Variants in GNB3 observed in about 807,000 individuals in gnomAD.
GNB3 encodes the protein G protein subunit beta 3, also known as guanine nucleotide-binding protein G(I)/G(S)/G(T) subunit beta-3.
In GNB3, 33 loss-of-function variants were observed where a neutral mutation model predicts 41.2. That is an observed-to-expected ratio of 0.80 (90% CI 0.61 to 1.07). GNB3 has a LOEUF of 1.07. Ranked by LOEUF, GNB3 falls within the 50% of genes least tolerant of loss-of-function variation. GNB3 has a pLI of 0.00. For missense variants in GNB3, 409 were observed against 455.3 expected (o/e 0.90, Z 0.92); for synonymous variants, 172 against 173.4 (o/e 0.99, Z 0.06).
chr12:6,846,745 C>G, intron 9 of GNB3, 47 bp from the exon 10 acceptor site: 1 of 1,134,746 alleles, frequency 8.8e-7, no homozygotes, highest in Non-Finnish European at 1.3e-6. Context: ...ACACTGCTTT[C>G]CAAATCAGCT....
At position 6,843,020 on chromosome 12, in the gene GNB3, G is replaced by A. The variant is rs376832139; in HGVS notation, c.147G>A (p.Arg49=). 45 of 1,570,568 alleles carry A rather than the reference G, an allele frequency of 2.9e-5. No homozygotes were observed. In the African/African-American group the frequency reaches 5.5e-4, roughly 19 times the overall value. ...VVGRVQMRTR[R]TLRGHLAKIY... Reference sequence around the variant, plus strand: ...GACGAGTCCAGATGCGGACGCGGCGGACGTTAAGGGGACACCTGGCCAAGA... The same window carrying A: ...GACGAGTCCAGATGCGGACGCGGCGAACGTTAAGGGGACACCTGGCCAAGA... The change falls in exon 4 of 10, where the codon CGG becomes CGA. Residue 49 remains arginine (R), a synonymous_variant. Transcript: ENST00000229264. The surrounding 1 kb of genome is among the most constrained non-coding windows in gnomAD (Gnocchi z 5.9).
In GNB3 at chr12:6,841,591, C is replaced by T; in HGVS notation, c.63C>T (p.Ala21=). The change falls in exon 3 of 10, where the codon GCC becomes GCT. Residue 21 remains alanine (A), a synonymous_variant. Coordinates refer to ENST00000229264, the MANE Select transcript of GNB3 (RefSeq NM_002075.4). ...AEQLKKQIAD[A]RKACADVTLA... ...GATGTCTGCTTTCCCTGCAGGATGC[C>T]AGGAAAGCCTGTGCTGACGTTACTC... 6.2e-7 allele frequency: 1 copy of T among 1,613,416 alleles called. No individual in the cohort carries two copies. The highest frequency in any genetic ancestry group is 1.3e-5 in the African/African-American group (1 of 75,016).
chr12:6,841,548 C>G, intron 2 of GNB3, 38 bp from the exon 3 acceptor site: 1 of 1,589,502 alleles, frequency 6.3e-7, no homozygotes, highest in South Asian at 1.1e-5. Context: ...GCCACCCCCA[C>G]CTCGCCCTTG....
chr12:6,844,093 A>ATTTT (rs34871066), intron 8 of GNB3, 115 bp downstream of exon 8: 15 of 258,138 alleles, frequency 5.8e-5, no homozygotes, highest in South Asian at 1.2e-4. Context: ...TTCTTACTGT[A>ATTTT]TTTTTTTTTT....
rs1382910777 is a variant in GNB3 at position 6,843,023 on chromosome 12, G to T, written c.150G>T (p.Thr50=). The part of the protein sequence containing the change: ...VGRVQMRTRR[T]LRGHLAKIYA... ...GAGTCCAGATGCGGACGCGGCGGAC[G>T]TTAAGGGGACACCTGGCCAAGATTT... Residue 50 remains threonine, a synonymous_variant, in exon 4 of 10, where the codon ACG becomes ACT. Transcript: ENST00000229264. This position sits in a 1 kb window ranked among gnomAD's most constrained non-coding sequence, Gnocchi z 5.9. 6.3e-7 allele frequency: 1 copy of T among 1,575,684 alleles called. No homozygotes were observed. Among genetic ancestry groups the T allele is most frequent in the East Asian group, 2.3e-5 (1 of 44,350 alleles).
Position 6,843,287 on chromosome 12 carries a change from C to T in GNB3, c.267+50C>T, listed in dbSNP as rs1555123797. ...TCCACCACTGCATCCTTCCTAAGGG[C>T]GCCATGCCTACCCTCCTGTGCCCAG... On this transcript the variant is annotated intron_variant, in intron 5 of 9. Coordinates refer to ENST00000229264, the MANE Select transcript of GNB3 (RefSeq NM_002075.4). This position sits in a 1 kb window ranked among gnomAD's most constrained non-coding sequence, Gnocchi z 5.9. 6.2e-6 allele frequency: 10 copies of T among 1,606,618 alleles called. No homozygotes were observed. Among genetic ancestry groups the T allele is most frequent in the South Asian group, 3.3e-5 (3 of 90,950 alleles).
Position 6,845,594 on chromosome 12 carries a change from C to G in GNB3, c.708C>G (p.Pro236=). ...ESDINAICFF[P]NGEAICTGSD... ...GCCACCCGTGCCCTCAGTTCTTCCC[C>G]AATGGAGAGGCCATCTGCACGGGCT... Residue 236 remains proline, a synonymous_variant, in exon 9 of 10, where the codon CCC becomes CCG. Transcript: ENST00000229264. 1 of 1,609,824 alleles carries G rather than the reference C, an allele frequency of 6.2e-7. No individual in the cohort carries two copies. The highest frequency in any genetic ancestry group is 8.5e-7 in the Non-Finnish European group (1 of 1,178,710).
chr12:6,843,189 C>T lies in GNB3; in HGVS notation c.219C>T (p.Ala73=), dbSNP rs782535348. 16 of 1,613,958 alleles carry T rather than the reference C, an allele frequency of 9.9e-6. No individual in the cohort carries two copies. The highest frequency in any genetic ancestry group is 1.3e-5 in the Non-Finnish European group (15 of 1,179,914). ...WATDSKLLVS[A]SQDGKLIVWD... is the part of the protein sequence containing the mutation. ...CTCTCCCCAGGCTGCTGGTAAGTGC[C>T]TCGCAAGATGGGAAGCTGATCGTGT... Residue 73 remains alanine, a synonymous_variant, in exon 5 of 10, where the codon GCC becomes GCT. Transcript: ENST00000229264. The surrounding 1 kb of genome is among the most constrained non-coding windows in gnomAD (Gnocchi z 5.9).
Position 6,843,977 on chromosome 12 carries a change from G to T in GNB3, c.698G>T (p.Cys233Phe). Residue 233 changes from cysteine (C) to phenylalanine (F), a missense_variant and splice_region_variant, in exon 8 of 10, where the codon TGT becomes TTT. Coordinates refer to ENST00000229264, the MANE Select transcript of GNB3 (RefSeq NM_002075.4). The surrounding 1 kb of genome is among the most constrained non-coding windows in gnomAD (Gnocchi z 5.9). Reference protein sequence around the residue: ...TGHESDINAICFFPNGEAICT... With the variant: ...TGHESDINAIFFFPNGEAICT... ...CACGAGTCGGACATCAACGCCATCT[G>T]TGTGAGTGCACCCCCCACCCCAGCT... 1 of 1,604,892 alleles carries T rather than the reference G, an allele frequency of 6.2e-7. No homozygotes were observed. Among genetic ancestry groups the T allele is most frequent in the Admixed American group, 1.7e-5 (1 of 59,660 alleles).
chr12:6,841,147 G>A (rs1943566028), intron 1 of GNB3, 111 bp from the exon 2 acceptor site: 2 of 697,544 alleles, frequency 2.9e-6, no homozygotes, highest in Admixed American at 4.8e-5. Context: ...GCTGGGGAGA[G>A]GGTGCAGCCA....
intron 8 of GNB3, 60 bp downstream of exon 8, chr12:6,844,038 C>A: frequency 9.0e-7 from 1 of 1,109,096 alleles, no homozygotes; most frequent in Non-Finnish European, 1.3e-6. Flanking sequence ...CCCCACAACA[C>A]ATACAATACA....
intron 3 of GNB3, 95 bp downstream of exon 3, chr12:6,841,719 C>A: frequency 1.1e-6 from 1 of 886,968 alleles, no homozygotes. Flanking sequence ...ATTAGTACAG[C>A]ACGTCCTTGG....
At chr12:6,841,684 C>T in intron 3 of GNB3, 60 bp downstream of exon 3, 1 of 1,237,560 alleles carries the variant, frequency 8.1e-7, no homozygotes. Context: ...AGCTCCCCGA[C>T]CCGCAATAGC....
In GNB3 at chr12:6,843,539, C is replaced by A; in HGVS notation, c.430+14C>A. The A allele has an allele frequency of 6.2e-7, 1 of 1,613,228 alleles. No individual in the cohort carries two copies. The highest frequency in any genetic ancestry group is 1.1e-5 in the South Asian group (1 of 91,050). ...CTGCTCACACAGGTGAGGGAGAGAC[C>A]CTCTCCTCCCCTCCTGAGGGGTTCA... On this transcript the variant is annotated intron_variant, in intron 6 of 9. Transcript: ENST00000229264. The surrounding 1 kb of genome is among the most constrained non-coding windows in gnomAD (Gnocchi z 5.9).
chr12:6,845,862 C>T (rs1943685941), intron 9 of GNB3, 60 bp downstream of exon 9: 3 of 1,194,066 alleles, frequency 2.5e-6, no homozygotes, highest in Non-Finnish European at 3.7e-6. Context: ...AGCCCTCCCT[C>T]CCCATTCTGT....
chr12:6,843,830 C>T lies in GNB3; in HGVS notation c.551C>T (p.Thr184Met), dbSNP rs371387315. The T allele has an allele frequency of 6.6e-5, 107 of 1,613,876 alleles. No individual in the cohort carries two copies. Among genetic ancestry groups the T allele is most frequent in the Non-Finnish European group, 8.1e-5 (96 of 1,179,898 alleles). ...CAGAAGACTGTATTTGTGGGACACA[C>T]GGGTGACTGCATGAGCCTGGCTGTG... Reference protein sequence around the residue: ...GQQKTVFVGHTGDCMSLAVSP... With the variant: ...GQQKTVFVGHMGDCMSLAVSP... The change falls in exon 8 of 10, where the codon ACG (threonine) becomes ATG (methionine). Residue 184 changes from threonine to methionine, a missense_variant. Coordinates refer to ENST00000229264, the MANE Select transcript of GNB3 (RefSeq NM_002075.4). The surrounding 1 kb of genome is among the most constrained non-coding windows in gnomAD (Gnocchi z 5.9).
At chr12:6,842,139 G>T (rs781793119) in intron 3 of GNB3, among the ~76,000 whole-genome samples, 1 of 152,192 alleles carries the variant, frequency 6.6e-6, no homozygotes, top group South Asian at 2.1e-4. Flanking sequence ...GGGCTAAGCT[G>T]CATAAATACC....
In GNB3 at chr12:6,843,225, C is replaced by G. The variant is rs28395774; in HGVS notation, c.255C>G (p.Tyr85Ter). 6 of 1,613,774 alleles carry G rather than the reference C, an allele frequency of 3.7e-6. No individual in the cohort carries two copies. In the Admixed American group the frequency reaches 1.0e-4, roughly 27 times the overall value. Residue 85 changes from tyrosine to a stop codon, truncating the protein, a stop_gained, in exon 5 of 10, where the codon TAC becomes TAG. Transcript: ENST00000229264. LOFTEE classifies it high-confidence loss of function. The surrounding 1 kb of genome is among the most constrained non-coding windows in gnomAD (Gnocchi z 5.9). Reference protein sequence around the residue: ...QDGKLIVWDSYTTNKVHAIPL... With the variant: ...QDGKLIVWDS Reference sequence around the variant, plus strand: ...GGAAGCTGATCGTGTGGGACAGCTACACCACCAACAAGGTACCAGCCCTGC... The same window carrying G: ...GGAAGCTGATCGTGTGGGACAGCTAGACCACCAACAAGGTACCAGCCCTGC...
At chr12:6,842,650 C>T (rs59657727) in intron 3 of GNB3, among the ~76,000 whole-genome samples, 15,134 of 152,252 alleles carry the variant, frequency 0.099, 2,058 homozygotes, top group African/African-American at 0.3. Flanking sequence ...CTTCCCAAAT[C>T]TGTTTCCAAT....
Sources: gnomAD v4.1 joint callset for allele counts (sites outside exome capture counted in the v4.1 genomes callset) on GRCh38, gnomAD v4.1.1 for gene constraint, Gnocchi (gnomAD v3.1) non-coding constraint, MANE v1.5 for transcripts, NCBI Gene and HGNC (gene_info 2026-07-23, HGNC 2026-07-21) for gene names.